ARHGEF28: variants seen among roughly 807,000 people sequenced by gnomAD.
ARHGEF28 encodes 190 kDa guanine nucleotide exchange factor.
In ARHGEF28, 152 loss-of-function variants were observed where a neutral mutation model predicts 206.6. The ratio of observed to expected loss-of-function variants is 0.74; its 90% CI spans 0.64 to 0.84. ARHGEF28 has a LOEUF of 0.84. Ranked by LOEUF, ARHGEF28 falls within the 40% of genes least tolerant of loss-of-function variation. ARHGEF28 has a pLI of 0.00. For synonymous variants in ARHGEF28, 763 were observed against 776.4 expected, an observed-to-expected ratio of 0.98 and a Z score of 0.29; for missense variants, 2,028 against 2,073.2, an observed-to-expected ratio of 0.98 and a Z score of 0.42.
At chr5:73,799,859 C>T (rs1305591115) in intron 9 of ARHGEF28, among the ~76,000 whole-genome samples, 1 of 152,124 alleles carries the variant, frequency 6.6e-6, no homozygotes, top group Non-Finnish European at 1.5e-5. Flanking sequence ...ATCCTCCTTT[C>T]TGCTTGGAGA....
At chr5:73,774,665 A>G (rs1350263884) in intron 5 of ARHGEF28, among the ~76,000 whole-genome samples, 2 of 152,232 alleles carry the variant, frequency 1.3e-5, no homozygotes, top group East Asian at 1.9e-4. Context: ...TAATGAGGGT[A>G]TCAACACTTC....
chr5:73,815,190 GTATATATA>G (rs34284444), intron 9 of ARHGEF28, among the ~76,000 whole-genome samples: 1 of 148,454 alleles, frequency 6.7e-6, no homozygotes, highest in Non-Finnish European at 1.5e-5. Flanking sequence ...GATTCAGGGG[GTATATATA>G]TATATATATA....
chr5:73,921,105 G>A (rs1325061001), intron 35 of ARHGEF28, among the ~76,000 whole-genome samples: 2 of 152,116 alleles, frequency 1.3e-5, no homozygotes, highest in African/African-American at 2.4e-5. Context: ...AAAACAATTA[G>A]TATTTGTTTA....
At chr5:73,715,580 T>C (rs533794666) in intron 2 of ARHGEF28, among the ~76,000 whole-genome samples, 1 of 152,368 alleles carries the variant, frequency 6.6e-6, no homozygotes, top group East Asian at 1.9e-4. Context: ...ATGTCTACAA[T>C]ACCTTAAAGT....
At chr5:73,901,004 CAGGG>C (rs1762235483) in intron 30 of ARHGEF28, 176 bp from the exon 31 acceptor site, 1 of 526,386 alleles carries the variant, frequency 1.9e-6, no homozygotes, top group African/African-American at 1.9e-5. Flanking sequence ...CCCATGTGGG[CAGGG>C]ACCACATGCA....
chr5:73,753,655 G>A (rs1752148809), intron 4 of ARHGEF28, among the ~76,000 whole-genome samples: 1 of 152,208 alleles, frequency 6.6e-6, no homozygotes, highest in African/African-American at 2.4e-5. Context: ...CTTTGAAAGT[G>A]TCAGTGTCAC....
At chr5:73,938,863 G>A (rs145835164) in intron 35 of ARHGEF28, among the ~76,000 whole-genome samples, 275 of 151,754 alleles carry the variant, frequency 1.8e-3, no homozygotes, top group African/African-American at 6.4e-3. Context: ...TTGTTCGCCC[G>A]ATTAAGGGAG....
intron 9 of ARHGEF28, among the ~76,000 whole-genome samples, chr5:73,812,993 C>T (rs1755932371): frequency 6.6e-6 from 1 of 152,146 alleles, no homozygotes; most frequent in Non-Finnish European, 1.5e-5. Context: ...GCCCAAGCTG[C>T]CAATGGTATG....
At chr5:73,805,669 T>C (rs1755392901) in intron 9 of ARHGEF28, among the ~76,000 whole-genome samples, 1 of 152,164 alleles carries the variant, frequency 6.6e-6, no homozygotes, top group Admixed American at 6.5e-5. Context: ...GCTAGAGTGA[T>C]CCATGTGGTA....
Position 73,868,233 on chromosome 5 carries a change from G to A in ARHGEF28, c.2425+6G>A, listed in dbSNP as rs1265541377. On this transcript the variant is annotated splice_donor_region_variant and intron_variant, in intron 20 of 35. Transcript: ENST00000513042. ...AGAGTCTTTCATAATGGAAGGTGAG[G>A]AGAAGACACACTTCCATTTATTTGT... 2 of 1,567,734 alleles carry A rather than the reference G, an allele frequency of 1.3e-6. No homozygotes were observed. The highest frequency in any genetic ancestry group is 2.3e-5 in the East Asian group (1 of 43,304).
chr5:73,809,927 G>A (rs1305602304), intron 9 of ARHGEF28, among the ~76,000 whole-genome samples: 1 of 152,176 alleles, frequency 6.6e-6, no homozygotes, highest in Non-Finnish European at 1.5e-5. Context: ...ATTACAATCA[G>A]CCAGTAACAG....
At chr5:73,880,477 C>A (rs1396834313) in intron 22 of ARHGEF28, among the ~76,000 whole-genome samples, 1 of 152,180 alleles carries the variant, frequency 6.6e-6, no homozygotes, top group Non-Finnish European at 1.5e-5. Flanking sequence ...GAGATGAACC[C>A]GGTACCTCAG....
rs1163211002 is a variant in ARHGEF28, at chr5:73,882,092, GC to G, written c.2815-378del. The stretch of plus-strand genomic sequence containing the variant: ...TCAAATGAGTGATTTTTTTTGGGGG[GC>G]CAGACCTTCCTGAAGGCCCCTAAAT... On this transcript the variant is annotated intron_variant, in intron 22 of 35. Coordinates refer to ENST00000513042, the MANE Select transcript of ARHGEF28 (RefSeq NM_001177693.2). Among the ~76,000 whole-genome samples, 411 of 151,848 alleles carry G rather than the reference GC, an allele frequency of 2.7e-3. 11 individuals are homozygous for G. The East Asian group carries it at 0.071, about 26-fold the overall frequency.
rs796155111 is a variant in ARHGEF28, at chr5:73,857,092, TAG to T, written c.1791-559_1791-558del. On this transcript the variant is annotated intron_variant, in intron 14 of 35. Coordinates refer to ENST00000513042, the MANE Select transcript of ARHGEF28 (RefSeq NM_001177693.2). ...TCCATAGCCTCTCTCCTCCACAACC[TAG>T]AGAGTCTCAGATTGTACTGAGTGGG... 4.9e-4 allele frequency among the ~76,000 whole-genome samples: 74 copies of T among 152,284 alleles called. 1 individual carries two copies. Among genetic ancestry groups the T allele is most frequent in the African/African-American group, 1.7e-3 (70 of 41,550 alleles).
intron 2 of ARHGEF28, 53 bp downstream of exon 2, chr5:73,684,937 A>G: frequency 6.3e-7 from 1 of 1,581,940 alleles, no homozygotes; most frequent in Non-Finnish European, 8.6e-7. Context: ...CTTAACTCCA[A>G]ACCATGTGAC....
intron 1 of ARHGEF28, among the ~76,000 whole-genome samples, chr5:73,674,727 G>C (rs1250135928): frequency 6.6e-6 from 1 of 152,212 alleles, no homozygotes; most frequent in East Asian, 1.9e-4. Context: ...CCTCTGGGGA[G>C]AAGAGAGGGG....
At chr5:73,768,823 T>C (rs1185327401) in intron 4 of ARHGEF28, among the ~76,000 whole-genome samples, 1 of 151,996 alleles carries the variant, frequency 6.6e-6, no homozygotes. Flanking sequence ...CTCACCCAAA[T>C]CTCATCTTGA....
intron 2 of ARHGEF28, among the ~76,000 whole-genome samples, chr5:73,699,434 T>G (rs1748451827): frequency 6.6e-6 from 1 of 151,822 alleles, no homozygotes; most frequent in South Asian, 2.1e-4. Flanking sequence ...GAGATTGATT[T>G]AGGGGAAAAC....
intron 1 of ARHGEF28, among the ~76,000 whole-genome samples, chr5:73,672,847 A>T (rs897435659): frequency 6.6e-6 from 1 of 152,222 alleles, no homozygotes; most frequent in Non-Finnish European, 1.5e-5. Flanking sequence ...TTGGCGGAAC[A>T]TTTTGTTAGC....
Sources: gnomAD v4.1 joint callset for allele counts (sites outside exome capture counted in the v4.1 genomes callset) on GRCh38, gnomAD v4.1.1 for gene constraint, MANE v1.5 for transcripts, NCBI Gene and HGNC (gene_info 2026-07-23, HGNC 2026-07-21) for gene names.